Variants in ATP8A2 observed in about 807,000 individuals in gnomAD.
The protein encoded by ATP8A2 is phospholipid-transporting ATPase IB.
ATP8A2 carries 100 observed loss-of-function variants against 165.6 expected under a neutral mutation model. That is an observed-to-expected ratio of 0.60 (90% CI 0.51 to 0.71). ATP8A2 has a LOEUF of 0.71. Among genes scored for constraint, ATP8A2 ranks in the 30% least tolerant of loss-of-function variants. The pLI is 0.00. For missense variants in ATP8A2, 1,227 were observed against 1,479.5 expected, an observed-to-expected ratio of 0.83 and a Z score of 2.80; for synonymous variants, 543 against 548.8, an observed-to-expected ratio of 0.99 and a Z score of 0.15.
At chr13:25,931,395 T>C (rs1173177919) in intron 33 of ATP8A2, among the ~76,000 whole-genome samples, 1 of 152,202 alleles carries the variant, frequency 6.6e-6, no homozygotes, top group Non-Finnish European at 1.5e-5. Flanking sequence ...CCCCAAGCTT[T>C]TCAATTAAGG....
chr13:25,486,503 A>T (rs1475576782), intron 2 of ATP8A2, among the ~76,000 whole-genome samples: 3 of 152,220 alleles, frequency 2.0e-5, no homozygotes, highest in African/African-American at 7.2e-5. Flanking sequence ...AAGGGACATG[A>T]TGAATTTTGA....
intron 27 of ATP8A2, among the ~76,000 whole-genome samples, chr13:25,800,333 A>G (rs951230433): frequency 6.6e-6 from 1 of 152,256 alleles, no homozygotes; most frequent in Non-Finnish European, 1.5e-5. Context: ...TGGTCAGAGC[A>G]GGAAAGGAAA....
chr13:25,771,105 T>G (rs1266901676), intron 26 of ATP8A2, among the ~76,000 whole-genome samples: 22 of 152,268 alleles, frequency 1.4e-4, no homozygotes, highest in Non-Finnish European at 1.5e-5. Context: ...GCAATCAATC[T>G]TCTTCCTTTG....
Position 25,884,584 on chromosome 13 carries a change from G to A in ATP8A2, c.3183+22176G>A, listed in dbSNP as rs114311286. 4.1e-3 allele frequency among the ~76,000 whole-genome samples: 625 copies of A among 152,322 alleles called. 2 individuals are homozygous for A. The highest frequency in any genetic ancestry group is 0.014 in the African/African-American group (597 of 41,566). ...CAGCTTCCTTGGGAAGATAGAGGAT[G>A]TTGTGATCGCCTGGTCTGGGACAGT... is the stretch of plus-strand genomic sequence containing the variant. On this transcript the variant is annotated intron_variant, in intron 33 of 36. Transcript: ENST00000381655.
intron 1 of ATP8A2, among the ~76,000 whole-genome samples, chr13:25,458,217 T>C (rs548019226): frequency 6.6e-6 from 1 of 152,372 alleles, no homozygotes; most frequent in East Asian, 1.9e-4. Context: ...GCCAGCCTTT[T>C]GTTTACGAGG....
At chr13:25,739,727 T>C (rs1312597658) in intron 25 of ATP8A2, among the ~76,000 whole-genome samples, 3 of 152,152 alleles carry the variant, frequency 2.0e-5, no homozygotes, top group Non-Finnish European at 4.4e-5. Context: ...GTTGATGAAG[T>C]TGGCAGATGA....
intron 25 of ATP8A2, among the ~76,000 whole-genome samples, chr13:25,754,447 G>A (rs1045473283): frequency 4.0e-5 from 6 of 151,454 alleles, no homozygotes; most frequent in African/African-American, 1.2e-4. Context: ...TTACTGATAT[G>A]AGCTACAAAT....
chr13:25,386,376 C>T (rs1472419932), intron 1 of ATP8A2, among the ~76,000 whole-genome samples: 1 of 152,152 alleles, frequency 6.6e-6, no homozygotes, highest in Non-Finnish European at 1.5e-5. Flanking sequence ...ATTAACCAAC[C>T]TCTCCACCCC....
At chr13:25,448,644 T>C (rs968114129) in intron 1 of ATP8A2, among the ~76,000 whole-genome samples, 1 of 152,080 alleles carries the variant, frequency 6.6e-6, no homozygotes, top group Non-Finnish European at 1.5e-5. Flanking sequence ...TTAATAAGGC[T>C]CTTTTTATTT....
At chr13:25,812,656 T>G (rs28525125) in intron 27 of ATP8A2, among the ~76,000 whole-genome samples, 3,224 of 151,400 alleles carry the variant, frequency 0.021, 107 homozygotes, top group African/African-American at 0.074. Context: ...TTACCATTTC[T>G]GTGAAGTATA....
chr13:25,733,285 C>T (rs1278345930), intron 25 of ATP8A2, among the ~76,000 whole-genome samples: 1 of 152,046 alleles, frequency 6.6e-6, no homozygotes. Context: ...TGACTGCCCA[C>T]TGTAAGAATA....
intron 29 of ATP8A2, among the ~76,000 whole-genome samples, chr13:25,837,911 G>A (rs377584534): frequency 2.6e-5 from 4 of 152,204 alleles, no homozygotes; most frequent in Non-Finnish European, 5.9e-5. Flanking sequence ...TAAAGGGGTC[G>A]TGCAGTCTCA....
chr13:25,543,430 C>CTT, intron 10 of ATP8A2, 28 bp downstream of exon 10: 1 of 1,407,962 alleles, frequency 7.1e-7, no homozygotes, highest in Non-Finnish European at 1.0e-6. Flanking sequence ...TGATTTCAGT[C>CTT]TTTTTTTTCT....
intron 2 of ATP8A2, among the ~76,000 whole-genome samples, chr13:25,510,892 T>C (rs996705969): frequency 6.6e-6 from 1 of 152,234 alleles, no homozygotes; most frequent in African/African-American, 2.4e-5. Context: ...ACAACACATG[T>C]AGGTAGCTAA....
chr13:25,504,634 G>C (rs1184059644), intron 2 of ATP8A2, among the ~76,000 whole-genome samples: 1 of 148,890 alleles, frequency 6.7e-6, no homozygotes, highest in Non-Finnish European at 1.5e-5. Context: ...CAGCTACTCG[G>C]GAGGCTGAGG....
intron 1 of ATP8A2, among the ~76,000 whole-genome samples, chr13:25,453,793 G>A (rs1473701804): frequency 1.3e-5 from 2 of 152,242 alleles, no homozygotes; most frequent in Non-Finnish European, 2.9e-5. Context: ...AGTCCCAGGA[G>A]GTTGGGAAAA....
intron 17 of ATP8A2, 129 bp downstream of exon 17, chr13:25,571,001 T>A: frequency 1.6e-6 from 1 of 639,460 alleles, no homozygotes; most frequent in Non-Finnish European, 2.6e-6. Context: ...CCTCACCCTG[T>A]GGCCAGGCTG....
intron 24 of ATP8A2, among the ~76,000 whole-genome samples, chr13:25,651,498 G>A (rs1425898479): frequency 6.6e-6 from 1 of 151,724 alleles, no homozygotes; most frequent in African/African-American, 2.4e-5. Context: ...GTTATAGTAA[G>A]CTTTTTTTTC....
chr13:25,595,812 CAG>C (rs2040222446), intron 24 of ATP8A2, among the ~76,000 whole-genome samples: 2 of 152,116 alleles, frequency 1.3e-5, no homozygotes, highest in South Asian at 4.2e-4. Context: ...GGGCTGTCCT[CAG>C]AGAGAGAGGA....
Sources: gnomAD v4.1 joint callset for allele counts (sites outside exome capture counted in the v4.1 genomes callset) on GRCh38, gnomAD v4.1.1 for gene constraint, MANE v1.5 for transcripts, NCBI Gene and HGNC (gene_info 2026-07-23, HGNC 2026-07-21) for gene names.